Variants in ZCWPW1 observed in about 807,000 individuals in gnomAD.
The protein encoded by ZCWPW1 is zinc finger CW-type PWWP domain protein 1.
In ZCWPW1, 56 loss-of-function variants were observed where a neutral mutation model predicts 81.3. The ratio of observed to expected loss-of-function variants is 0.69; its 90% confidence interval spans 0.56 to 0.86. The LOEUF is 0.86. ZCWPW1 is among the 40% of genes least tolerant of loss of function. ZCWPW1 has a pLI of 0.00. For synonymous variants in ZCWPW1, 250 were observed against 273.7 expected (o/e 0.91, Z 0.86); for missense variants, 650 against 769.8 (o/e 0.84, Z 1.84).
At position 100,416,302 on chromosome 7, in the gene ZCWPW1, T is replaced by TA. The variant is rs997185798; in HGVS notation, c.631+2dup. The TA allele has an allele frequency of 2.5e-6, 4 of 1,613,832 alleles. No individual in the cohort carries two copies. The African/African-American group carries it at 4.0e-5, about 16-fold the overall frequency. ...GCTTCAAAGTATATCTGACTGTACT[T>TA]ACGAGCTTCCTTCTTTCTTTTGCTT... On this transcript the variant is annotated splice_region_variant and intron_variant, in intron 7 of 17. Coordinates refer to ENST00000684423, the MANE Select transcript of ZCWPW1 (RefSeq NM_001386010.1).
At chr7:100,411,702 G>A (rs1794203470) in intron 8 of ZCWPW1, among the ~76,000 whole-genome samples, 1 of 151,968 alleles carries the variant, frequency 6.6e-6, no homozygotes, top group Middle Eastern at 3.2e-3. Context: ...TAGGAGGAGA[G>A]GCCAGGAGTC....
At chr7:100,421,060 G>A (rs749459577) in intron 2 of ZCWPW1, among the ~76,000 whole-genome samples, 3 of 152,220 alleles carry the variant, frequency 2.0e-5, no homozygotes, top group Non-Finnish European at 4.4e-5. Context: ...TGAGGTGAGA[G>A]GATCACTTGA....
At chr7:100,415,670 T>C (rs1795085076) in intron 8 of ZCWPW1, among the ~76,000 whole-genome samples, 1 of 152,198 alleles carries the variant, frequency 6.6e-6, no homozygotes, top group Non-Finnish European at 1.5e-5. Flanking sequence ...TTACCTTTCT[T>C]ACCACATCTT....
intron 9 of ZCWPW1, 35 bp from the exon 10 acceptor site, chr7:100,408,694 G>A (rs1196867753): frequency 1.9e-6 from 3 of 1,603,762 alleles, no homozygotes; most frequent in African/African-American, 2.7e-5. Flanking sequence ...GGGACAGGAA[G>A]AGACTCTTTA....
chr7:100,416,856 G>T (rs1254142159), intron 6 of ZCWPW1, among the ~76,000 whole-genome samples: 2 of 151,008 alleles, frequency 1.3e-5, no homozygotes, highest in Non-Finnish European at 2.9e-5. Flanking sequence ...TGAGGCAGGA[G>T]AATTGCTTGA....
intron 3 of ZCWPW1, 37 bp from the exon 4 acceptor site, chr7:100,419,920 T>C: frequency 6.7e-7 from 1 of 1,501,470 alleles, no homozygotes; most frequent in Non-Finnish European, 9.0e-7. Context: ...TTATGAAACA[T>C]ACAGTCTAAC....
chr7:100,404,456 G>C (rs1249153146), intron 13 of ZCWPW1, among the ~76,000 whole-genome samples: 1 of 152,116 alleles, frequency 6.6e-6, no homozygotes, highest in Non-Finnish European at 1.5e-5. Context: ...CCCATCCCTG[G>C]CTCAAATGAT....
In ZCWPW1 at chr7:100,401,051, T is replaced by C. The variant is rs1296685525; in HGVS notation, c.1913A>G (p.Asp638Gly). The C allele has an allele frequency of 3.7e-6, 6 of 1,613,124 alleles. No homozygotes were observed. The highest frequency in any genetic ancestry group is 4.2e-6 in the Non-Finnish European group (5 of 1,179,336). Reference protein sequence around the residue: ...QSGELQHSNSDGEDFPVALFG... With the variant: ...QSGELQHSNSGGEDFPVALFG... ...CAGCGCCACGGGGAAGTCCTCGCCA[T>C]CACTGTTGCTGTGCTGCAGCTCCCC... The change falls in exon 18 of 18, where the codon GAT becomes GGT. Residue 638 changes from aspartate (D) to glycine (G), a missense_variant. Physicochemically the swap from Asp to Gly is moderately conservative, Grantham distance 94. Transcript: ENST00000684423.
intron 2 of ZCWPW1, among the ~76,000 whole-genome samples, chr7:100,424,587 G>T (rs1051635905): frequency 6.6e-6 from 1 of 151,688 alleles, no homozygotes; most frequent in South Asian, 2.1e-4. Flanking sequence ...TCAGCCTCCC[G>T]AGTAGCTGGG....
At chr7:100,428,294 G>A (rs1184381692) in intron 1 of ZCWPW1, among the ~76,000 whole-genome samples, 4 of 152,042 alleles carry the variant, frequency 2.6e-5, no homozygotes, top group African/African-American at 9.7e-5. Flanking sequence ...CTCCACCCGA[G>A]GGCGGTGCGC....
intron 2 of ZCWPW1, among the ~76,000 whole-genome samples, chr7:100,423,094 G>A (rs1796632154): frequency 6.6e-6 from 1 of 151,782 alleles, no homozygotes; most frequent in Admixed American, 6.6e-5. Context: ...AGACCTTTAG[G>A]GATAATAAAG....
rs181356276 is a variant in ZCWPW1 at position 100,420,610 on chromosome 7, C to T, written c.28+12G>A. The T allele has an allele frequency of 6.2e-6, 10 of 1,614,082 alleles. No individual in the cohort carries two copies. The highest frequency in any genetic ancestry group is 1.3e-5 in the African/African-American group (1 of 75,050). On this transcript the variant is annotated intron_variant, in intron 3 of 17. Transcript: ENST00000684423. ...AAATGTATGAAGCGAACCTCCCTCA[C>T]TCTTGACTCACCTTCTTTATTCTGC... is the stretch of plus-strand genomic sequence containing the variant.
At chr7:100,415,922 G>A (rs923107054) in intron 8 of ZCWPW1, 53 bp downstream of exon 8, 1 of 1,611,080 alleles carries the variant, frequency 6.2e-7, no homozygotes, top group African/African-American at 1.3e-5. Flanking sequence ...CTGCCTCTCT[G>A]CTCTATTTCA....
At chr7:100,402,128 C>T in intron 16 of ZCWPW1, 87 bp from the exon 17 acceptor site, 1 of 1,485,864 alleles carries the variant, frequency 6.7e-7, no homozygotes, top group Non-Finnish European at 9.0e-7. Flanking sequence ...TTCTGCCCTG[C>T]CCCACATCTT....
At chr7:100,418,318 G>A (rs930477294) in intron 5 of ZCWPW1, among the ~76,000 whole-genome samples, 1 of 152,154 alleles carries the variant, frequency 6.6e-6, no homozygotes, top group South Asian at 2.1e-4. Context: ...CTTATTTGAA[G>A]TTGTTTGTAA....
At position 100,406,768 on chromosome 7, in the gene ZCWPW1, T is replaced by C; in HGVS notation, c.1099A>G (p.Thr367Ala). The part of the protein sequence containing the change: ...SKYHVTFFGE[T>A]VSRAWIPVNM... The stretch of plus-strand genomic sequence containing the variant: ...ACTGGGATCCATGCACGAGAAACTG[T>C]TTCTCCAAAAAACGTCACATGGTAC... Residue 367 changes from threonine (T) to alanine (A), a missense_variant, in exon 12 of 18, where the codon ACA (threonine) becomes GCA (alanine). By Grantham distance (58) the Thr-to-Ala change is moderately conservative. Coordinates refer to ENST00000684423, the MANE Select transcript of ZCWPW1 (RefSeq NM_001386010.1). 6.2e-7 allele frequency: 1 copy of C among 1,614,118 alleles called. No individual in the cohort carries two copies. The highest frequency in any genetic ancestry group is 1.1e-5 in the South Asian group (1 of 91,082).
chr7:100,408,389 G>C, intron 10 of ZCWPW1, 150 bp downstream of exon 10: 1 of 1,141,370 alleles, frequency 8.8e-7, no homozygotes, highest in Non-Finnish European at 1.2e-6. Flanking sequence ...AAGCCTCCAG[G>C]CTTGGTACTT....
At chr7:100,426,095 T>C (rs1797269612) in intron 1 of ZCWPW1, among the ~76,000 whole-genome samples, 1 of 152,212 alleles carries the variant, frequency 6.6e-6, no homozygotes, top group Non-Finnish European at 1.5e-5. Context: ...CATCCAATCA[T>C]TCCCTTCCTT....
chr7:100,416,994 G>T, intron 6 of ZCWPW1, 72 bp downstream of exon 6: 1 of 1,077,884 alleles, frequency 9.3e-7, no homozygotes, highest in Non-Finnish European at 1.4e-6. Flanking sequence ...TAGACAGACA[G>T]ATAGATAGAC....
Sources: allele counts gnomAD v4.1 joint callset (sites outside exome capture counted in the v4.1 genomes callset), GRCh38; gene constraint gnomAD v4.1.1; transcripts MANE v1.5; gene names NCBI Gene and HGNC (gene_info 2026-07-23, HGNC 2026-07-21).